Variants in KIF26B observed in about 807,000 individuals in gnomAD.
KIF26B encodes the protein kinesin family member 26B.
In KIF26B, 63 loss-of-function variants were observed where a neutral mutation model predicts 151.2. The observed-to-expected ratio is 0.42, with a 90% confidence interval of 0.34 to 0.51. The LOEUF (loss-of-function observed/expected upper bound fraction) is 0.51, where lower values mean the gene tolerates loss of function less well. KIF26B is among the 20% of genes least tolerant of loss of function. The pLI, the probability that KIF26B is intolerant of heterozygous loss-of-function variation, is 0.07. For synonymous variants in KIF26B, 1,357 were observed against 1,262.1 expected (o/e 1.08, Z -1.59); for missense variants, 2,813 against 2,913.6 (o/e 0.97, Z 0.79).
At position 245,358,122 on chromosome 1, in the gene KIF26B, C is replaced by T. The variant is rs1672738769; in HGVS notation, c.466-8712C>T. On this transcript the variant is annotated intron_variant, in intron 2 of 14. Transcript: ENST00000407071. The surrounding 1 kb of genome is among the most constrained non-coding windows in gnomAD (Gnocchi z 4.1). Reference sequence around the variant, plus strand: ...TGTAGTTGGGATTTCACCATGTTGCCCAGGCTGGTCTCGAACTTCAGATCT... The same window carrying T: ...TGTAGTTGGGATTTCACCATGTTGCTCAGGCTGGTCTCGAACTTCAGATCT... Among the ~76,000 whole-genome samples the T allele has an allele frequency of 6.6e-6, 1 of 152,002 alleles. No individual in the cohort carries two copies. The highest frequency in any genetic ancestry group is 2.4e-5 in the African/African-American group (1 of 41,354).
chr1:245,384,355 C>CACATTTGTGTGTGTCTTAATGCA (rs1673489350), intron 3 of KIF26B, among the ~76,000 whole-genome samples: 1 of 152,192 alleles, frequency 6.6e-6, no homozygotes, highest in Non-Finnish European at 1.5e-5. Flanking sequence ...GTGCTGAGGG[C>CACATTTGTGTGTGTCTTAATGCA]TTTGTGTGTC....
chr1:245,230,901 C>G (rs1418432628), intron 2 of KIF26B, among the ~76,000 whole-genome samples: 1 of 151,444 alleles, frequency 6.6e-6, no homozygotes, highest in Non-Finnish European at 1.5e-5. Context: ...AACCTAATAC[C>G]AGAAATTTGA....
At chr1:245,566,626 T>C (rs2043012531) in intron 5 of KIF26B, among the ~76,000 whole-genome samples, 3 of 152,246 alleles carry the variant, frequency 2.0e-5, no homozygotes, top group African/African-American at 7.2e-5. Context: ...CGCAACATGT[T>C]GATTTTTAAA....
At chr1:245,259,934 CAAAAA>C (rs35913005) in intron 2 of KIF26B, among the ~76,000 whole-genome samples, 6 of 72,020 alleles carry the variant, frequency 8.3e-5, no homozygotes, top group Admixed American at 1.6e-4. Context: ...GGTCCTGTCT[CAAAAA>C]AAAAAAAAAA....
intron 3 of KIF26B, among the ~76,000 whole-genome samples, chr1:245,379,585 G>A (rs1673356010): frequency 6.6e-6 from 1 of 150,402 alleles, no homozygotes; most frequent in Non-Finnish European, 1.5e-5. Context: ...TTATTAATAT[G>A]TTTGCTTTCC....
intron 2 of KIF26B, among the ~76,000 whole-genome samples, chr1:245,246,896 CACACACACACAG>C (rs1670341839): frequency 9.2e-6 from 1 of 108,438 alleles, no homozygotes; most frequent in Non-Finnish European, 2.0e-5. Flanking sequence ...CACACACAGA[CACACACACACAG>C]ACACAGACAC....
At chr1:245,282,067 A>G (rs1404542090) in intron 2 of KIF26B, among the ~76,000 whole-genome samples, 2 of 152,152 alleles carry the variant, frequency 1.3e-5, no homozygotes, top group African/African-American at 2.4e-5. Flanking sequence ...AAGGAGAACT[A>G]CAAACCACTG....
At chr1:245,313,509 T>C (rs1392334868) in intron 2 of KIF26B, among the ~76,000 whole-genome samples, 1 of 152,208 alleles carries the variant, frequency 6.6e-6, no homozygotes, top group African/African-American at 2.4e-5. Flanking sequence ...TGAAACTGTG[T>C]CTTCCGAGTG....
At chr1:245,562,799 C>T (rs753612983) in intron 5 of KIF26B, among the ~76,000 whole-genome samples, 9 of 152,132 alleles carry the variant, frequency 5.9e-5, no homozygotes, top group Admixed American at 5.2e-4. Context: ...CCTCAAACTC[C>T]GGCAGGTCTC....
At chr1:245,247,893 CT>C (rs1281934201) in intron 2 of KIF26B, among the ~76,000 whole-genome samples, 1 of 152,204 alleles carries the variant, frequency 6.6e-6, no homozygotes, top group Non-Finnish European at 1.5e-5. Context: ...CTGTACCTTT[CT>C]GAACTTCTCT....
At chr1:245,401,601 G>A (rs1277241523) in intron 3 of KIF26B, among the ~76,000 whole-genome samples, 3 of 152,248 alleles carry the variant, frequency 2.0e-5, no homozygotes. Context: ...GGGCGCGGTG[G>A]CTCACGCCTG....
chr1:245,465,128 G>T (rs1470831196), intron 4 of KIF26B, among the ~76,000 whole-genome samples: 1 of 73,796 alleles, frequency 1.4e-5, no homozygotes, highest in Admixed American at 1.3e-4. Flanking sequence ...ACAGGCGCCC[G>T]CCACCACACC....
chr1:245,236,998 C>G (rs1367869299), intron 2 of KIF26B, among the ~76,000 whole-genome samples: 3 of 152,230 alleles, frequency 2.0e-5, no homozygotes, highest in African/African-American at 7.2e-5. Context: ...GGGACTGAGT[C>G]TCTGGTCCGT....
intron 2 of KIF26B, among the ~76,000 whole-genome samples, chr1:245,179,386 G>T (rs1353630363): frequency 6.6e-6 from 1 of 152,190 alleles, no homozygotes; most frequent in Non-Finnish European, 1.5e-5. Flanking sequence ...TTCTTTGGGA[G>T]GCTGAGGCGC....
At chr1:245,637,734 C>T (rs2043850574) in intron 9 of KIF26B, among the ~76,000 whole-genome samples, 1 of 151,922 alleles carries the variant, frequency 6.6e-6, no homozygotes, top group African/African-American at 2.4e-5. Flanking sequence ...TCCAGTTTTC[C>T]CAGCACCATT....
At position 245,684,402 on chromosome 1, in the gene KIF26B, A is replaced by G; in HGVS notation, c.2421+7A>G. 1 of 1,549,674 alleles carries G rather than the reference A, an allele frequency of 6.5e-7. No individual in the cohort carries two copies. Among genetic ancestry groups the G allele is most frequent in the Non-Finnish European group, 8.8e-7 (1 of 1,133,786 alleles). On this transcript the variant is annotated splice_region_variant and intron_variant, in intron 11 of 14. Transcript: ENST00000407071. ...GAAGAAAAAGAAGACGAAGGTAAGG[A>G]GCTCGCGGGGTGGGGGGGTGGTGGA...
intron 2 of KIF26B, among the ~76,000 whole-genome samples, chr1:245,262,311 C>G (rs1163602854): frequency 2.0e-5 from 3 of 152,182 alleles, no homozygotes; most frequent in African/African-American, 7.2e-5. Context: ...TTGGTGAGAG[C>G]TGCTTCTTCC....
chr1:245,382,198 G>A (rs1222860587), intron 3 of KIF26B, among the ~76,000 whole-genome samples: 2 of 152,104 alleles, frequency 1.3e-5, no homozygotes, highest in Non-Finnish European at 2.9e-5. Flanking sequence ...GTGCATACGG[G>A]TTCCAATTTC....
At chr1:245,532,218 T>TTTTTCTTTTC (rs543766882) in intron 4 of KIF26B, among the ~76,000 whole-genome samples, 174 of 145,270 alleles carry the variant, frequency 1.2e-3, no homozygotes, top group East Asian at 9.5e-3. Flanking sequence ...GGAAAATTCT[T>TTTTTCTTTTC]TTTTCTTTTC....
Sources: gnomAD v4.1 joint callset for allele counts (sites outside exome capture counted in the v4.1 genomes callset) on GRCh38, gnomAD v4.1.1 for gene constraint, Gnocchi (gnomAD v3.1) non-coding constraint, MANE v1.5 for transcripts, NCBI Gene and HGNC (gene_info 2026-07-23, HGNC 2026-07-21) for gene names.